Variants in FHOD3 observed in about 807,000 individuals in gnomAD.
FHOD3 encodes FH1/FH2 domain-containing protein 3.
Under a neutral mutation model 173.0 loss-of-function variants are expected in FHOD3, and 90 were observed. The ratio of observed to expected loss-of-function variants is 0.52; its 90% CI spans 0.44 to 0.62. FHOD3 has a LOEUF of 0.62. FHOD3 is among the 20% of genes least tolerant of loss of function. The pLI is 0.00. For missense variants in FHOD3, 1,945 were observed against 2,034.7 expected, an observed-to-expected ratio of 0.96 and a Z score of 0.85; for synonymous variants, 828 against 823.0, an observed-to-expected ratio of 1.01 and a Z score of -0.10.
At chr18:36,447,836 AAGC>A (rs2051587695) in intron 3 of FHOD3, among the ~76,000 whole-genome samples, 2 of 152,210 alleles carry the variant, frequency 1.3e-5, no homozygotes, top group African/African-American at 4.8e-5. Flanking sequence ...AGGTAAATAA[AAGC>A]AGGTTTCAAA....
chr18:36,386,905 G>A (rs941893702), intron 3 of FHOD3, among the ~76,000 whole-genome samples: 20 of 152,296 alleles, frequency 1.3e-4, no homozygotes, highest in Middle Eastern at 3.4e-3. Flanking sequence ...GGCAAGAGAC[G>A]ACTGACCTGG....
chr18:36,740,033 A>G (rs1344847959), intron 20 of FHOD3, among the ~76,000 whole-genome samples: 2 of 152,360 alleles, frequency 1.3e-5, no homozygotes, highest in East Asian at 1.9e-4. Flanking sequence ...ATGTAATCAC[A>G]AAGGAATTTG....
chr18:36,718,365 C>CCA lies in FHOD3; in HGVS notation c.3068_3069insAC (p.Pro1025HisfsTer44). 3.2e-6 allele frequency: 4 copies of CCA among 1,241,718 alleles called. No individual in the cohort carries two copies. Among genetic ancestry groups the CCA allele is most frequent in the South Asian group, 2.5e-5 (2 of 78,562 alleles). 76.9% of individuals were successfully genotyped at this position (1,241,718 alleles called of 1,614,324 possible). On this transcript the variant is annotated frameshift_variant, in exon 19 of 29. Transcript: ENST00000590592. LOFTEE classifies it high-confidence loss of function. ...TCACAGGGAGGCCCCTGGGCCACCT[C>CCA]CCCCACCCCCACCCACCTTTCTGGG...
At chr18:36,298,470 C>A (rs527782897) in intron 1 of FHOD3, among the ~76,000 whole-genome samples, 1 of 152,298 alleles carries the variant, frequency 6.6e-6, no homozygotes, top group Admixed American at 6.5e-5. Context: ...GCCTCTGGGG[C>A]CGCTGCGGGC....
chr18:36,662,766 GTTA>G (rs982652595), intron 14 of FHOD3, among the ~76,000 whole-genome samples: 3 of 152,156 alleles, frequency 2.0e-5, no homozygotes, highest in African/African-American at 7.2e-5. Flanking sequence ...TGGTCAATAT[GTTA>G]TTATTAACTA....
At chr18:36,550,021 T>A (rs1006763694) in intron 5 of FHOD3, among the ~76,000 whole-genome samples, 3 of 151,900 alleles carry the variant, frequency 2.0e-5, no homozygotes, top group Non-Finnish European at 2.9e-5. Flanking sequence ...TGTTGGCCTA[T>A]GTGTAAACAA....
At chr18:36,595,017 T>C in intron 7 of FHOD3, 119 bp downstream of exon 7, 1 of 644,502 alleles carries the variant, frequency 1.6e-6, no homozygotes, top group South Asian at 2.2e-5. Context: ...GATGTGGACT[T>C]CCCACTGCAA....
At chr18:36,449,441 A>G (rs2051693547) in intron 3 of FHOD3, among the ~76,000 whole-genome samples, 1 of 152,084 alleles carries the variant, frequency 6.6e-6, no homozygotes, top group African/African-American at 2.4e-5. Context: ...TGGGGTTGAG[A>G]CTTCAAGGCT....
chr18:36,684,936 G>T (rs1209711687), intron 15 of FHOD3, among the ~76,000 whole-genome samples: 1 of 152,082 alleles, frequency 6.6e-6, no homozygotes, highest in Non-Finnish European at 1.5e-5. Context: ...CCAAATAGCT[G>T]GGACTACAGG....
At chr18:36,464,226 G>T (rs539683707) in intron 3 of FHOD3, among the ~76,000 whole-genome samples, 1 of 152,310 alleles carries the variant, frequency 6.6e-6, no homozygotes, top group East Asian at 1.9e-4. Flanking sequence ...GAAATGAACT[G>T]CATGCCTCTC....
intron 7 of FHOD3, among the ~76,000 whole-genome samples, chr18:36,599,547 T>C (rs990330508): frequency 6.6e-6 from 1 of 152,236 alleles, no homozygotes; most frequent in Non-Finnish European, 1.5e-5. Context: ...TTATGTAGTA[T>C]GTGAAAAGAC....
rs144303549 is a variant in FHOD3 at position 36,755,758 on chromosome 18, C to A, written c.4425+447C>A. Reference sequence around the variant, plus strand: ...CGGTGCTGTGTAACCAATCAGTTGACACATGGACCACCCATTGTGGGCATC... The same window carrying A: ...CGGTGCTGTGTAACCAATCAGTTGAAACATGGACCACCCATTGTGGGCATC... On this transcript the variant is annotated intron_variant, in intron 25 of 28. Transcript: ENST00000590592. 5.3e-3 allele frequency among the ~76,000 whole-genome samples: 813 copies of A among 152,252 alleles called. 11 individuals carry two copies. The highest frequency in any genetic ancestry group is 6.1e-3 in the Non-Finnish European group (412 of 68,018).
intron 4 of FHOD3, among the ~76,000 whole-genome samples, chr18:36,503,774 C>T (rs779566669): frequency 1.3e-5 from 2 of 152,204 alleles, no homozygotes; most frequent in Non-Finnish European, 2.9e-5. Flanking sequence ...TTCTGGGTTA[C>T]GTCTGGATTT....
chr18:36,668,902 T>C (rs943703343), intron 14 of FHOD3, among the ~76,000 whole-genome samples: 1 of 152,008 alleles, frequency 6.6e-6, no homozygotes, highest in Non-Finnish European at 1.5e-5. Flanking sequence ...CAGCCCAGAA[T>C]AGGATCAACT....
intron 3 of FHOD3, among the ~76,000 whole-genome samples, chr18:36,495,916 A>G (rs893315571): frequency 2.6e-5 from 4 of 152,228 alleles, no homozygotes; most frequent in African/African-American, 4.8e-5. Flanking sequence ...CTGAATCTAC[A>G]TAGACAGGCT....
At chr18:36,686,764 G>T (rs1035489274) in intron 15 of FHOD3, among the ~76,000 whole-genome samples, 3 of 152,096 alleles carry the variant, frequency 2.0e-5, no homozygotes, top group Non-Finnish European at 2.9e-5. Flanking sequence ...AGCTCAACTG[G>T]ATGCTAATCA....
intron 3 of FHOD3, among the ~76,000 whole-genome samples, chr18:36,378,566 A>G (rs541440146): frequency 6.9e-6 from 1 of 144,598 alleles, no homozygotes; most frequent in Admixed American, 7.0e-5. Context: ...AGGTGTGTCC[A>G]ACCCCTGTCC....
Position 36,658,132 on chromosome 18 carries a change from T to C in FHOD3, c.1779T>C (p.Ser593=), listed in dbSNP as rs141910979. 3.4e-5 allele frequency: 54 copies of C among 1,596,878 alleles called. No individual in the cohort carries two copies. In the African/African-American group the frequency reaches 6.7e-4, roughly 20 times the overall value. The change falls in exon 14 of 29, where the codon AGT becomes AGC. Residue 593 remains serine (S), a synonymous_variant. Transcript: ENST00000590592. ...CCTCAAGACCCTCATCTGGATCCAG[T>C]GTGCCCACCACCCCCACATCATCCG... is the stretch of plus-strand genomic sequence containing the variant. ...YHSSRPSSGS[S]VPTTPTSSVS...
At chr18:36,314,282 A>C (rs1487607488) in intron 1 of FHOD3, among the ~76,000 whole-genome samples, 2 of 152,146 alleles carry the variant, frequency 1.3e-5, no homozygotes, top group East Asian at 1.9e-4. Context: ...TCACAACTTT[A>C]CACAGGGACA....
Sources: gnomAD v4.1 joint callset for allele counts (sites outside exome capture counted in the v4.1 genomes callset) on GRCh38, gnomAD v4.1.1 for gene constraint, MANE v1.5 for transcripts, NCBI Gene and HGNC (gene_info 2026-07-23, HGNC 2026-07-21) for gene names.